FAM124B: variants seen among roughly 807,000 people sequenced by gnomAD.
FAM124B encodes the protein protein FAM124B.
A neutral mutation model predicts 19.7 loss-of-function variants in FAM124B; 18 were observed. The observed-to-expected ratio is 0.92, with a 90% CI of 0.63 to 1.36. The LOEUF (loss-of-function observed/expected upper bound fraction) is 1.36, where lower values mean the gene tolerates loss of function less well. Ranked by LOEUF, FAM124B falls within the 40% of genes most tolerant of loss-of-function variation. The pLI is 0.00. For synonymous variants in FAM124B, 223 were observed against 225.2 expected (o/e 0.99, Z 0.09); for missense variants, 540 against 553.3 (o/e 0.98, Z 0.24).
Position 224,379,463 on chromosome 2 carries a change from G to T in FAM124B, c.*110C>A. 1 of 1,329,296 alleles carries T rather than the reference G, an allele frequency of 7.5e-7. No homozygotes were observed. Among genetic ancestry groups the T allele is most frequent in the Non-Finnish European group, 1.0e-6 (1 of 998,510 alleles). The allele number at this position is 1,329,296 out of a possible 1,614,324, so 82.3% of individuals were successfully genotyped here. A position where few individuals can be genotyped will look rare whatever the true frequency, so the allele number is the denominator to read the frequency against. On this transcript the variant is annotated 3_prime_UTR_variant, in exon 2 of 2. Coordinates refer to ENST00000409685, the MANE Select transcript of FAM124B (RefSeq NM_001122779.2). ...AATCAATACAGATTGTGCATGGGGAGCATTCAGCCCCCCTCAGATGAACAA... is the reference window on the plus strand; with the variant it reads ...AATCAATACAGATTGTGCATGGGGATCATTCAGCCCCCCTCAGATGAACAA...
chr2:224,395,234 G>C (rs532199729), intron 1 of FAM124B, among the ~76,000 whole-genome samples: 2 of 152,000 alleles, frequency 1.3e-5, no homozygotes, highest in Non-Finnish European at 2.9e-5. Flanking sequence ...TGAATCAGGG[G>C]AGAAGAGCCA....
intron 1 of FAM124B, among the ~76,000 whole-genome samples, chr2:224,382,015 C>T (rs527410792): frequency 3.9e-5 from 6 of 152,232 alleles, no homozygotes; most frequent in Middle Eastern, 3.4e-3. Context: ...GTATAGATGA[C>T]GCAGAGTACA....
intron 1 of FAM124B, among the ~76,000 whole-genome samples, chr2:224,389,811 T>G (rs1381748814): frequency 6.6e-6 from 1 of 152,116 alleles, no homozygotes; most frequent in East Asian, 1.9e-4. Context: ...ACAAGGTGAT[T>G]TTTATTTCGT....
At position 224,401,976 on chromosome 2, in the gene FAM124B, G is replaced by C; in HGVS notation, c.-208C>G. The C allele has an allele frequency of 1.8e-6, 1 of 564,050 alleles. No individual in the cohort carries two copies. The allele number at this position is 564,050 out of a possible 1,614,324, so 34.9% of individuals were successfully genotyped here. A position where few individuals can be genotyped will look rare whatever the true frequency, so the allele number is the denominator to read the frequency against. On this transcript the variant is annotated 5_prime_UTR_variant, in exon 1 of 2. Transcript: ENST00000409685. ...GCAAGAGAAGCTCACACCAGCTCGG[G>C]TTCAGCAGCCTCCCTCTCCACACAG... is the stretch of plus-strand genomic sequence containing the variant.
chr2:224,384,027 C>A (rs763542975), intron 1 of FAM124B, among the ~76,000 whole-genome samples: 2 of 152,164 alleles, frequency 1.3e-5, no homozygotes, highest in African/African-American at 2.4e-5. Context: ...TCGCCCCTTG[C>A]CATCTAAATC....
chr2:224,382,994 A>C (rs567776262), intron 1 of FAM124B, among the ~76,000 whole-genome samples: 2 of 152,118 alleles, frequency 1.3e-5, no homozygotes, highest in South Asian at 4.1e-4. Flanking sequence ...TGTTGAAGAG[A>C]GCTTCCACCA....
intron 1 of FAM124B, among the ~76,000 whole-genome samples, chr2:224,398,360 A>T (rs1334349814): frequency 1.3e-5 from 2 of 152,104 alleles, no homozygotes; most frequent in Non-Finnish European, 2.9e-5. Context: ...AGCCTCCCAA[A>T]GTGCTAGTAT....
intron 1 of FAM124B, among the ~76,000 whole-genome samples, chr2:224,381,730 T>C (rs895631490): frequency 1.3e-5 from 2 of 152,108 alleles, no homozygotes; most frequent in African/African-American, 4.8e-5. Flanking sequence ...TTGTAACACA[T>C]GTACCACTCT....
At chr2:224,393,071 C>T (rs1559310441) in intron 1 of FAM124B, among the ~76,000 whole-genome samples, 1 of 152,168 alleles carries the variant, frequency 6.6e-6, no homozygotes, top group South Asian at 2.1e-4. Context: ...ACAGTGCATT[C>T]GTCTAGAGAA....
At chr2:224,396,604 T>A (rs193194140) in intron 1 of FAM124B, among the ~76,000 whole-genome samples, 2 of 152,320 alleles carry the variant, frequency 1.3e-5, no homozygotes, top group East Asian at 3.9e-4. Flanking sequence ...CGCCCTGATC[T>A]TCTCTGGAGA....
In FAM124B at chr2:224,379,506, G is replaced by C; in HGVS notation, c.*67C>G. ...ATGAACAACTAACAGGCTGATTCTG[G>C]GTCAGTACTCCATTTCTAGAACATT... On this transcript the variant is annotated 3_prime_UTR_variant, in exon 2 of 2. Transcript: ENST00000409685. 6.8e-7 allele frequency: 1 copy of C among 1,464,936 alleles called. No individual in the cohort carries two copies. Among genetic ancestry groups the C allele is most frequent in the Non-Finnish European group, 9.0e-7 (1 of 1,109,128 alleles). 90.7% of individuals were successfully genotyped at this position (1,464,936 alleles called of 1,614,324 possible). A position where few individuals can be genotyped will look rare whatever the true frequency, so the allele number is the denominator to read the frequency against.
intron 1 of FAM124B, among the ~76,000 whole-genome samples, chr2:224,383,331 CT>C (rs908160357): frequency 5.9e-5 from 9 of 152,120 alleles, no homozygotes; most frequent in African/African-American, 2.2e-4. Flanking sequence ...GAGTCTGTTT[CT>C]TATCACATAC....
intron 1 of FAM124B, among the ~76,000 whole-genome samples, chr2:224,397,721 TA>T (rs1257716756): frequency 6.6e-6 from 1 of 152,238 alleles, no homozygotes; most frequent in Non-Finnish European, 1.5e-5. Flanking sequence ...CATTATGTTT[TA>T]GCAAAGAAAC....
rs1233047784 is a variant in FAM124B, at chr2:224,401,254, C to A, written c.515G>T (p.Cys172Phe). 6.2e-7 allele frequency: 1 copy of A among 1,614,068 alleles called. No homozygotes were observed. The highest frequency in any genetic ancestry group is 1.1e-5 in the South Asian group (1 of 91,074). Reference sequence around the variant, plus strand: ...CTTGGAGGCATAGAGCACGAAGAAACAAAAATTGCTCTTTTGCAAGGTCGC... The same window carrying A: ...CTTGGAGGCATAGAGCACGAAGAAAAAAAAATTGCTCTTTTGCAAGGTCGC... ...REATLQKSNF[C>F]FFVLYASKSF... Residue 172 changes from cysteine to phenylalanine, a missense_variant, in exon 1 of 2, where the codon TGT becomes TTT. By Grantham distance (205) the Cys-to-Phe change is radical (BLOSUM62 -2). Coordinates refer to ENST00000409685, the MANE Select transcript of FAM124B (RefSeq NM_001122779.2).
chr2:224,393,120 T>C (rs1279065165), intron 1 of FAM124B, among the ~76,000 whole-genome samples: 2 of 152,184 alleles, frequency 1.3e-5, no homozygotes, highest in Non-Finnish European at 2.9e-5. Flanking sequence ...ATTGAGAGCA[T>C]ATGTGTGAAA....
At chr2:224,384,002 G>A (rs971686582) in intron 1 of FAM124B, among the ~76,000 whole-genome samples, 2 of 152,324 alleles carry the variant, frequency 1.3e-5, no homozygotes, top group East Asian at 3.9e-4. Context: ...TGAACACAGA[G>A]AGAAGCCTGA....
In FAM124B at chr2:224,380,027, G is replaced by T. The variant is rs550378488; in HGVS notation, c.914C>A (p.Thr305Lys). 6.4e-7 allele frequency: 1 copy of T among 1,551,604 alleles called. No homozygotes were observed. Among genetic ancestry groups the T allele is most frequent in the African/African-American group, 1.4e-5 (1 of 73,048 alleles). ...CGAAGTGCCAGCACACCTGTCTGAT[G>T]TGGGGCTCCCACTGGGCTCAGGAAG... ...LELPEPSGSP[T>K]SDRCAGTSWK... Residue 305 changes from threonine (T) to lysine (K), a missense_variant, in exon 2 of 2, where the codon ACA becomes AAA. By Grantham distance (78) the Thr-to-Lys change is moderately conservative. Transcript: ENST00000409685.
At chr2:224,391,947 A>G (rs1689894881) in intron 1 of FAM124B, among the ~76,000 whole-genome samples, 1 of 152,220 alleles carries the variant, frequency 6.6e-6, no homozygotes, top group Non-Finnish European at 1.5e-5. Flanking sequence ...TAAAAGATTG[A>G]TAATTGTGTC....
At chr2:224,386,706 C>T (rs1689805704) in intron 1 of FAM124B, among the ~76,000 whole-genome samples, 1 of 152,200 alleles carries the variant, frequency 6.6e-6, no homozygotes, top group Non-Finnish European at 1.5e-5. Flanking sequence ...GGCTTATATA[C>T]ACCTTCTTTG....
Sources: gnomAD v4.1 joint callset for allele counts (sites outside exome capture counted in the v4.1 genomes callset) on GRCh38, gnomAD v4.1.1 for gene constraint, MANE v1.5 for transcripts, NCBI Gene and HGNC (gene_info 2026-07-23, HGNC 2026-07-21) for gene names.